Variants in MAP3K1 observed in about 807,000 individuals in gnomAD.
The protein encoded by MAP3K1 is mitogen-activated protein kinase kinase kinase 1, also known as MAP/ERK kinase kinase 1.
Under a neutral mutation model 144.2 loss-of-function variants are expected in MAP3K1, and 36 were observed. That is an observed-to-expected ratio of 0.25 (90% CI 0.19 to 0.33). The LOEUF (loss-of-function observed/expected upper bound fraction) is 0.33. Among genes scored for constraint, MAP3K1 ranks in the 10% least tolerant of loss-of-function variants. MAP3K1 has a pLI of 1.00. For missense variants in MAP3K1, 1,650 were observed against 1,881.9 expected (o/e 0.88, Z 2.28); for synonymous variants, 718 against 688.7 (o/e 1.04, Z -0.67).
rs1748677718 is a variant in MAP3K1 at position 56,895,496 on chromosome 5, T to C, written c.*1816T>C. On this transcript the variant is annotated 3_prime_UTR_variant, in exon 20 of 20. Coordinates refer to ENST00000399503, the MANE Select transcript of MAP3K1 (RefSeq NM_005921.2). ...ACTGGAAGATCATTGGTCAGATGAA[T>C]ACTGTGTCTGACAAAAATGTAAACT... The C allele has an allele frequency of 1.3e-5, 3 of 231,370 alleles. No homozygotes were observed. The highest frequency in any genetic ancestry group is 2.6e-5 in the Non-Finnish European group (3 of 116,926). 14.3% of individuals were successfully genotyped at this position (231,370 alleles called of 1,614,324 possible).
intron 1 of MAP3K1, among the ~76,000 whole-genome samples, chr5:56,827,720 C>T (rs528568796): frequency 1.8e-4 from 27 of 152,112 alleles, no homozygotes; most frequent in Admixed American, 4.6e-4. Context: ...AAAAATTAGC[C>T]GGGCTTGGTG....
intron 1 of MAP3K1, among the ~76,000 whole-genome samples, chr5:56,836,261 C>A (rs1746652835): frequency 6.6e-6 from 1 of 152,266 alleles, no homozygotes; most frequent in East Asian, 1.9e-4. Context: ...CTAATTGTCG[C>A]TTTTAAATAC....
intron 1 of MAP3K1, among the ~76,000 whole-genome samples, chr5:56,832,578 T>G (rs574479345): frequency 6.6e-6 from 1 of 152,226 alleles, no homozygotes; most frequent in African/African-American, 2.4e-5. Context: ...GCACAGCTAG[T>G]GGGTGGCAAA....
rs1414381606 is a variant in MAP3K1 at position 56,880,787 on chromosome 5, G to A, written c.2164G>A (p.Glu722Lys). The A allele has an allele frequency of 6.2e-7, 1 of 1,613,390 alleles. No individual in the cohort carries two copies. Among genetic ancestry groups the A allele is most frequent in the Non-Finnish European group, 8.5e-7 (1 of 1,179,470 alleles). The change falls in exon 12 of 20, where the codon GAA becomes AAA. Residue 722 changes from glutamate to lysine, a missense_variant. Physicochemically the swap from Glu to Lys is moderately conservative, Grantham distance 56. Transcript: ENST00000399503. Reference protein sequence around the residue: ...GQAGELAVGREILKAGSIGIG... With the variant: ...GQAGELAVGRKILKAGSIGIG... Reference sequence around the variant, plus strand: ...AGCAGGAGAGTTGGCAGTTGGCAGAGAAATACTAAAAGCTGGTAATAACTT... The same window carrying A: ...AGCAGGAGAGTTGGCAGTTGGCAGAAAAATACTAAAAGCTGGTAATAACTT...
intron 1 of MAP3K1, among the ~76,000 whole-genome samples, chr5:56,844,677 T>C (rs182258287): frequency 9.2e-5 from 14 of 152,304 alleles, no homozygotes; most frequent in Non-Finnish European, 1.9e-4. Context: ...AATACTTTTA[T>C]TACAGCAGAG....
intron 1 of MAP3K1, among the ~76,000 whole-genome samples, chr5:56,837,676 T>A (rs775498661): frequency 8.5e-5 from 13 of 152,332 alleles, no homozygotes; most frequent in Middle Eastern, 3.4e-3. Context: ...GGGGAAAAGA[T>A]TAATCCATTA....
At chr5:56,849,048 A>G (rs1488234819) in intron 1 of MAP3K1, among the ~76,000 whole-genome samples, 2 of 152,300 alleles carry the variant, frequency 1.3e-5, no homozygotes, top group Admixed American at 1.3e-4. Flanking sequence ...GATTCAACAT[A>G]CTATAAAACT....
intron 1 of MAP3K1, among the ~76,000 whole-genome samples, chr5:56,849,512 A>G (rs1747104095): frequency 6.6e-6 from 1 of 152,208 alleles, no homozygotes. Context: ...TAAAATCTGG[A>G]ATAAAATCTT....
Position 56,865,995 on chromosome 5 carries a change from A to T in MAP3K1, c.1301+18A>T, listed in dbSNP as rs1187018453. The T allele has an allele frequency of 2.6e-6, 4 of 1,565,686 alleles. No individual in the cohort carries two copies. The African/African-American group carries it at 4.1e-5, about 16-fold the overall frequency. ...GAAAACAGGTTAGTACTTTTTAAGG[A>T]TTTCAAACATTAATCCAGTGTTACT... On this transcript the variant is annotated intron_variant, in intron 6 of 19. Transcript: ENST00000399503.
In MAP3K1 at chr5:56,885,984, A is replaced by G; in HGVS notation, c.4035A>G (p.Val1345=). 2 of 1,611,822 alleles carry G rather than the reference A, an allele frequency of 1.2e-6. No individual in the cohort carries two copies. The highest frequency in any genetic ancestry group is 1.7e-5 in the Admixed American group (1 of 60,008). ...LSKYGAFKES[V]VINYTEQLLR... is the part of the protein sequence containing the mutation. ...AATATGGAGCCTTCAAAGAATCAGT[A>G]GTTATTAACTACACTGAACAGTTAC... Residue 1345 remains valine, a synonymous_variant, in exon 17 of 20, where the codon GTA becomes GTG. Transcript: ENST00000399503.
chr5:56,879,153 C>T (rs1400989400), intron 11 of MAP3K1, 52 bp downstream of exon 11: 7 of 1,607,474 alleles, frequency 4.4e-6, no homozygotes, highest in East Asian at 2.2e-5. Context: ...AAAAGTGCCT[C>T]GCAGCAAGCC....
chr5:56,892,859 G>A (rs1451586102), intron 19 of MAP3K1, among the ~76,000 whole-genome samples: 1 of 151,596 alleles, frequency 6.6e-6, no homozygotes, highest in Admixed American at 6.6e-5. Flanking sequence ...TTAAAATATG[G>A]TTATTGCAGC....
At chr5:56,870,112 G>A (rs1320868177) in intron 6 of MAP3K1, among the ~76,000 whole-genome samples, 1 of 151,948 alleles carries the variant, frequency 6.6e-6, no homozygotes, top group East Asian at 1.9e-4. Context: ...ACTTCTAATG[G>A]CAAAATTAGA....
Position 56,872,023 on chromosome 5 carries a change from T to C in MAP3K1, c.1415T>C (p.Met472Thr). ...GCRNKLHHHC[M>T]SIWAEECRRN... Reference sequence around the variant, plus strand: ...AGGAACAAGCTGCACCACCACTGCATGTCAATTTGTATGTGGCTCTTTTTC... The same window carrying C: ...AGGAACAAGCTGCACCACCACTGCACGTCAATTTGTATGTGGCTCTTTTTC... The change falls in exon 7 of 20, where the codon ATG (methionine) becomes ACG (threonine). Residue 472 changes from methionine to threonine, a missense_variant. Transcript: ENST00000399503. The C allele has an allele frequency of 6.2e-7, 1 of 1,614,052 alleles. No individual in the cohort carries two copies. Among genetic ancestry groups the C allele is most frequent in the Non-Finnish European group, 8.5e-7 (1 of 1,179,914 alleles).
chr5:56,860,853 CAAAAAAAAAAG>C (rs760518548), intron 3 of MAP3K1, among the ~76,000 whole-genome samples: 39 of 140,300 alleles, frequency 2.8e-4, no homozygotes, highest in Admixed American at 2.9e-4. Context: ...AACTCCATCT[CAAAAAAAAAAG>C]AAAAAAAGAA....
At chr5:56,879,302 G>A (rs1164390952) in intron 11 of MAP3K1, among the ~76,000 whole-genome samples, 1 of 152,132 alleles carries the variant, frequency 6.6e-6, no homozygotes, top group African/African-American at 2.4e-5. Context: ...TAAAAGCCAG[G>A]CAAACAAACT....
chr5:56,891,159 C>CCACA (rs1191567328), intron 19 of MAP3K1, among the ~76,000 whole-genome samples: 35 of 144,854 alleles, frequency 2.4e-4, no homozygotes, highest in Non-Finnish European at 2.2e-4. Flanking sequence ...CCCCCCCCCC[C>CCACA]CACACACACA....
rs565628773 is a variant in MAP3K1 at position 56,833,991 on chromosome 5, A to G, written c.482+17936A>G. 5.9e-5 allele frequency among the ~76,000 whole-genome samples: 9 copies of G among 152,244 alleles called. No individual in the cohort carries two copies. The South Asian group carries it at 1.9e-3, about 32-fold the overall frequency. On this transcript the variant is annotated intron_variant, in intron 1 of 19. Transcript: ENST00000399503. The stretch of plus-strand genomic sequence containing the variant: ...GCTTAGTGACTGAGAGAATTCAGTA[A>G]TCTTCCTGACCCCTATGCCTTCCCA...
In MAP3K1 at chr5:56,823,359, G is replaced by A. The variant is rs1427871762; in HGVS notation, c.482+7304G>A. ...GGAACACTGTTTTTCCATAAAGTCA[G>A]CTCCTCGTTGTTAAAATCTTAACTC... On this transcript the variant is annotated intron_variant, in intron 1 of 19. Transcript: ENST00000399503. Among the ~76,000 whole-genome samples the A allele has an allele frequency of 1.3e-5, 2 of 152,132 alleles. 1 individual carries two copies. Among genetic ancestry groups the A allele is most frequent in the Admixed American group, 1.3e-4 (2 of 15,278 alleles).
Sources: gnomAD v4.1 joint callset for allele counts (sites outside exome capture counted in the v4.1 genomes callset) on GRCh38, gnomAD v4.1.1 for gene constraint, MANE v1.5 for transcripts, NCBI Gene and HGNC (gene_info 2026-07-23, HGNC 2026-07-21) for gene names.